The following CD63 variants were observed in gnomAD, a reference collection of about 807,000 sequenced individuals.
The protein encoded by CD63 is CD63 molecule, also known as CD63 antigen.
CD63 carries 16 observed loss-of-function variants against 29.2 expected under a neutral mutation model. That is an observed-to-expected ratio of 0.55 (90% CI 0.37 to 0.83). The LOEUF is 0.83. Ranked by LOEUF, CD63 falls within the 40% of genes least tolerant of loss-of-function variation. CD63 has a pLI of 0.00. For synonymous variants in CD63, 118 were observed against 111.7 expected, an observed-to-expected ratio of 1.06 and a Z score of -0.36; for missense variants, 251 against 297.3, an observed-to-expected ratio of 0.84 and a Z score of 1.15.
At chr12:55,729,275 G>T (rs1260177442), upstream of CD63, 7 of 325,448 alleles carry the variant, frequency 2.2e-5, no homozygotes, top group South Asian at 1.2e-4. Flanking sequence ...CCCCTCTGGC[G>T]CTATACCTCC....
At position 55,726,892 on chromosome 12, in the gene CD63, T is replaced by C. The variant is rs1421191769; in HGVS notation, c.328A>G (p.Lys110Glu). The change falls in exon 4 of 8, where the codon AAG (lysine) becomes GAG (glutamate). Residue 110 changes from lysine (K) to glutamate (E), a missense_variant and splice_region_variant. Physicochemically the swap from Lys to Glu is moderately conservative, Grantham distance 56. Transcript: ENST00000257857. ...CCTTCCCATTATTCCCTGCTTACCT[T>C]ATCTCTAAACACATAGCCAGCAATG... ...AAIAGYVFRD[K>E]VMSEFNNNFR... 6.2e-7 allele frequency: 1 copy of C among 1,613,844 alleles called. No homozygotes were observed. The highest frequency in any genetic ancestry group is 8.5e-7 in the Non-Finnish European group (1 of 1,179,864).
chr12:55,724,464 G>T (rs1432158946), downstream of CD63: 1 of 1,613,872 alleles, frequency 6.2e-7, no homozygotes, highest in East Asian at 2.2e-5. Flanking sequence ...TGCTCTGGCT[G>T]CCTGCCTCCT....
chr12:55,723,795 TG>T (rs1877045101), downstream of CD63: 2 of 1,455,842 alleles, frequency 1.4e-6, no homozygotes, highest in South Asian at 2.3e-5. Context: ...CCCTGGTCTG[TG>T]GTAACTTTCT....
upstream of CD63, chr12:55,729,105 T>C: frequency 1.0e-6 from 1 of 984,606 alleles, no homozygotes; most frequent in Non-Finnish European, 1.2e-6. Flanking sequence ...CCGGCCTCCC[T>C]CATGTGACGC....
At position 55,725,656 on chromosome 12, in the gene CD63, G is replaced by A. The variant is rs764604083; in HGVS notation, c.652-30C>T. The A allele has an allele frequency of 3.1e-6, 5 of 1,606,532 alleles. No individual in the cohort carries two copies. In the Admixed American group the frequency reaches 8.3e-5, roughly 27 times the overall value. ...AAGGAAAGATGGGGACAGGGGTGGA[G>A]AGGAGTCAGAAGGGCTAGCTACCTC... On this transcript the variant is annotated intron_variant, in intron 7 of 7. Transcript: ENST00000257857.
chr12:55,723,816 A>G, downstream of CD63: 2 of 1,575,866 alleles, frequency 1.3e-6, no homozygotes, highest in Non-Finnish European at 1.7e-6. Flanking sequence ...TCAGCTCCCC[A>G]ACCCATGTCC....
chr12:55,728,747 T>C lies in CD63; in HGVS notation c.-12+206A>G, dbSNP rs1396230767. 666 of 756,756 alleles carry C rather than the reference T, an allele frequency of 8.8e-4. No individual in the cohort carries two copies. The Admixed American group carries it at 0.027, about 31-fold the overall frequency. 46.9% of individuals were successfully genotyped at this position (756,756 alleles called of 1,614,324 possible). Reference sequence around the variant, plus strand: ...AGCCCCTTTCCCCTGGGCTCTGACCTCCCCGCCCACCAAAAAAAAAAAAAG... The same window carrying C: ...AGCCCCTTTCCCCTGGGCTCTGACCCCCCCGCCCACCAAAAAAAAAAAAAG... On this transcript the variant is annotated intron_variant, in intron 1 of 7. Transcript: ENST00000257857. This position sits in a 1 kb window ranked among gnomAD's most constrained non-coding sequence, Gnocchi z 4.8.
chr12:55,726,462 A>T, intron 5 of CD63: 1 of 618,858 alleles, frequency 1.6e-6, no homozygotes, highest in South Asian at 2.0e-5. Context: ...CTCCTGCCTC[A>T]CCCTCCTGAG....
chr12:55,726,334 CTTTTTTTT>C lies in CD63; in HGVS notation c.427-81_427-74del, dbSNP rs777731653. 103 of 288,074 alleles carry C rather than the reference CTTTTTTTT, an allele frequency of 3.6e-4. No homozygotes were observed. The East Asian group carries it at 3.9e-3, about 11-fold the overall frequency. The allele number at this position is 288,074 out of a possible 1,614,324, so 17.8% of individuals were successfully genotyped here. A position where few individuals can be genotyped will look rare whatever the true frequency, so the allele number is the denominator to read the frequency against. Reference sequence around the variant, plus strand: ...CACCTTCAATATGGAGATGAGAATTCTTTTTTTTTTTTTTTTTTTTTTTTTGAGACAGA... The same window carrying C: ...CACCTTCAATATGGAGATGAGAATTCTTTTTTTTTTTTTTTTTGAGACAGA... On this transcript the variant is annotated intron_variant, in intron 5 of 7. Coordinates refer to ENST00000257857, the MANE Select transcript of CD63 (RefSeq NM_001780.6).
At chr12:55,729,214 A>C, upstream of CD63, 1 of 879,632 alleles carries the variant, frequency 1.1e-6, no homozygotes, top group Non-Finnish European at 1.4e-6. Context: ...GAAGGCGCCC[A>C]CCCCCGCAAA....
At chr12:55,726,645 T>C in intron 5 of CD63, 55 bp downstream of exon 5, 1 of 1,393,042 alleles carries the variant, frequency 7.2e-7, no homozygotes, top group Non-Finnish European at 1.0e-6. Flanking sequence ...ACACCCAGCC[T>C]TGGAGATGAG....
rs762177071 is a variant in CD63, at chr12:55,728,304, A to G, written c.38T>C (p.Leu13Ser). Residue 13 changes from leucine to serine, a missense_variant, in exon 2 of 8, where the codon TTG (leucine) becomes TCG (serine). Transcript: ENST00000257857. The surrounding 1 kb of genome is among the most constrained non-coding windows in gnomAD (Gnocchi z 4.8). The part of the protein sequence containing the change: ...VEGGMKCVKF[L>S]LYVLLLAFCA... Reference sequence around the variant, plus strand: ...AAAGGCCAGCAGGAGGACGTAGAGCAAGAACTTCACACATTTCATTCCTCC... The same window carrying G: ...AAAGGCCAGCAGGAGGACGTAGAGCGAGAACTTCACACATTTCATTCCTCC... The G allele has an allele frequency of 3.7e-6, 6 of 1,611,574 alleles. No individual in the cohort carries two copies. The South Asian group carries it at 6.6e-5, about 18-fold the overall frequency.
chr12:55,725,652 T>C, intron 7 of CD63, 26 bp from the exon 8 acceptor site: 2 of 1,609,480 alleles, frequency 1.2e-6, no homozygotes, highest in Non-Finnish European at 1.7e-6. Flanking sequence ...GGGACAGGGG[T>C]GGAGAGGAGT....
Position 55,728,717 on chromosome 12 carries a change from G to GC in CD63, c.-12+235dup. 2.4e-6 allele frequency: 1 copy of GC among 420,390 alleles called. No individual in the cohort carries two copies. The highest frequency in any genetic ancestry group is 2.0e-4 in the Admixed American group (1 of 4,962). The allele number at this position is 420,390 out of a possible 1,614,324, so 26.0% of individuals were successfully genotyped here. On this transcript the variant is annotated intron_variant, in intron 1 of 7. Transcript: ENST00000257857. This position sits in a 1 kb window ranked among gnomAD's most constrained non-coding sequence, Gnocchi z 4.8. ...GGTCTTCAGCCCAACCCCGACCCCC[G>GC]CCCCAGCCCCTTTCCCCTGGGCTCT...
At chr12:55,724,144 C>A, downstream of CD63, 1 of 1,511,990 alleles carries the variant, frequency 6.6e-7, no homozygotes. Context: ...GTGGGGCACC[C>A]AGGGCAGGGT....
At chr12:55,723,735 C>G, downstream of CD63, 1 of 835,556 alleles carries the variant, frequency 1.2e-6, no homozygotes, top group Admixed American at 2.0e-5. Context: ...TCCCTCTACC[C>G]CACTTGACCC....
In CD63 at chr12:55,728,325, C is replaced by T. The variant is rs1237573544; in HGVS notation, c.17G>A (p.Gly6Glu). The T allele has an allele frequency of 6.2e-7, 1 of 1,610,822 alleles. No individual in the cohort carries two copies. The highest frequency in any genetic ancestry group is 8.5e-7 in the Non-Finnish European group (1 of 1,179,196). MAVEGGMKCVKFLLYV... is the reference protein window; with the variant it reads MAVEGEMKCVKFLLYV... ...GAGCAAGAACTTCACACATTTCATT[C>T]CTCCTTCCACCGCCATGGCTGCCGG... Residue 6 changes from glycine (G) to glutamate (E), a missense_variant, in exon 2 of 8, where the codon GGA (glycine) becomes GAA (glutamate). Coordinates refer to ENST00000257857, the MANE Select transcript of CD63 (RefSeq NM_001780.6). The surrounding 1 kb of genome is among the most constrained non-coding windows in gnomAD (Gnocchi z 4.8).
Position 55,726,956 on chromosome 12 carries a change from G to C in CD63, c.264C>G (p.Ile88Met), listed in dbSNP as rs148781286. The C allele has an allele frequency of 3.7e-4, 593 of 1,614,040 alleles. 1 individual carries two copies. The highest frequency in any genetic ancestry group is 1.2e-4 in the Non-Finnish European group (146 of 1,179,976). Residue 88 changes from isoleucine (I) to methionine (M), a missense_variant, in exon 4 of 8, where the codon ATC becomes ATG. By Grantham distance (10) the Ile-to-Met change is conservative (BLOSUM62 1). Coordinates refer to ENST00000257857, the MANE Select transcript of CD63 (RefSeq NM_001780.6). ...ENYCLMITFA[I>M]FLSLIMLVEV... Reference sequence around the variant, plus strand: ...CCACCAACATGATAAGAGACAGAAAGATGGCAAACTGCAGGAGCAAAGGAC... The same window carrying C: ...CCACCAACATGATAAGAGACAGAAACATGGCAAACTGCAGGAGCAAAGGAC...
chr12:55,723,974 A>T (rs548708935), downstream of CD63: 3 of 1,614,030 alleles, frequency 1.9e-6, no homozygotes, highest in African/African-American at 4.0e-5. Flanking sequence ...GAGTCTGGAG[A>T]AAACCCTGCA....
Sources: allele counts gnomAD v4.1 joint callset, GRCh38; gene constraint gnomAD v4.1.1; non-coding constraint Gnocchi (gnomAD v3.1); transcripts MANE v1.5; gene names NCBI Gene and HGNC (gene_info 2026-07-23, HGNC 2026-07-21).